The following CCDC192 variants were observed in gnomAD, a reference collection of about 807,000 sequenced individuals.
CCDC192 encodes coiled-coil domain-containing protein 192.
chr5:127,802,882 A>G (rs536315174), intron 5 of CCDC192, among the ~76,000 whole-genome samples: 1 of 152,324 alleles, frequency 6.6e-6, no homozygotes, highest in South Asian at 2.1e-4. Context: ...CTTTATGACA[A>G]AGAATTGTAT....
At chr5:127,735,326 T>A (rs1325330948) in intron 2 of CCDC192, among the ~76,000 whole-genome samples, 1 of 144,612 alleles carries the variant, frequency 6.9e-6, no homozygotes, top group African/African-American at 2.7e-5. Flanking sequence ...TTTTGGTTAC[T>A]GTAGCCTTGT....
chr5:127,740,530 G>A (rs1339936849), intron 2 of CCDC192, among the ~76,000 whole-genome samples: 1 of 152,156 alleles, frequency 6.6e-6, no homozygotes, highest in Non-Finnish European at 1.5e-5. Context: ...CAATTTCAAT[G>A]AAGGATTTCC....
At chr5:127,887,830 A>C (rs1752613629) in intron 6 of CCDC192, among the ~76,000 whole-genome samples, 1 of 151,418 alleles carries the variant, frequency 6.6e-6, no homozygotes, top group Admixed American at 6.6e-5. Flanking sequence ...CAGCCTCCCA[A>C]GTAGCTGGGA....
intron 5 of CCDC192, among the ~76,000 whole-genome samples, chr5:127,803,708 C>G (rs1258789003): frequency 6.6e-6 from 1 of 152,100 alleles, no homozygotes; most frequent in Non-Finnish European, 1.5e-5. Context: ...TCCCAACGGC[C>G]ATCCCATCTC....
chr5:127,878,388 A>AC (rs1257435991), intron 6 of CCDC192, among the ~76,000 whole-genome samples: 2 of 152,208 alleles, frequency 1.3e-5, no homozygotes, highest in Non-Finnish European at 2.9e-5. Context: ...AAATGTGGGG[A>AC]AGGAGAATGC....
At chr5:127,761,554 G>T (rs1754929341) in intron 3 of CCDC192, among the ~76,000 whole-genome samples, 2 of 152,122 alleles carry the variant, frequency 1.3e-5, no homozygotes, top group Admixed American at 6.6e-5. Context: ...TGGAGTGTGT[G>T]TATGTTGGAG....
At chr5:127,711,023 T>C (rs866828755) in intron 2 of CCDC192, among the ~76,000 whole-genome samples, 2 of 152,334 alleles carry the variant, frequency 1.3e-5, no homozygotes, top group Middle Eastern at 3.4e-3. Context: ...CTAGTGCATA[T>C]AAATTATCTC....
At chr5:127,920,642 C>T (rs1348475801) in intron 6 of CCDC192, among the ~76,000 whole-genome samples, 1 of 151,906 alleles carries the variant, frequency 6.6e-6, no homozygotes, top group Non-Finnish European at 1.5e-5. Context: ...AACTCTTGAC[C>T]TCAGGTGATC....
At position 127,736,019 on chromosome 5, in the gene CCDC192, G is replaced by A. The variant is rs1203282980; in HGVS notation, c.115-18249G>A. On this transcript the variant is annotated intron_variant, in intron 2 of 6. Transcript: ENST00000514853. ...CCTGTCTTGTCCCAGTTTTCAAAGGGAATGCTTCCAGTTTTTGCCCATTCA... is the reference window on the plus strand; with the variant it reads ...CCTGTCTTGTCCCAGTTTTCAAAGGAAATGCTTCCAGTTTTTGCCCATTCA... Among the ~76,000 whole-genome samples, 12 of 99,994 alleles carry A rather than the reference G, an allele frequency of 1.2e-4. 2 individuals carry two copies. The East Asian group carries it at 3.4e-3, about 28-fold the overall frequency. 65.6% of individuals were successfully genotyped at this position (99,994 alleles called of 152,430 possible).
At chr5:127,742,887 T>A (rs578000734) in intron 2 of CCDC192, among the ~76,000 whole-genome samples, 100 of 152,330 alleles carry the variant, frequency 6.6e-4, no homozygotes, top group African/African-American at 2.3e-3. Context: ...GCACAAATGT[T>A]ATCACAAACC....
intron 6 of CCDC192, among the ~76,000 whole-genome samples, chr5:127,916,745 A>T (rs903015891): frequency 2.6e-5 from 4 of 152,352 alleles, no homozygotes; most frequent in East Asian, 3.9e-4. Context: ...AAGCCATGCT[A>T]TAATCTGATG....
chr5:127,915,506 C>T (rs772697277), intron 6 of CCDC192, among the ~76,000 whole-genome samples: 24 of 152,288 alleles, frequency 1.6e-4, no homozygotes, highest in Non-Finnish European at 3.1e-4. Context: ...CTCAGCCTCC[C>T]GAGTAGCTGG....
At chr5:127,866,844 A>G (rs1751636002) in intron 5 of CCDC192, among the ~76,000 whole-genome samples, 1 of 152,202 alleles carries the variant, frequency 6.6e-6, no homozygotes. Context: ...ATTGTATTTT[A>G]TGGGAAAATA....
intron 2 of CCDC192, among the ~76,000 whole-genome samples, chr5:127,742,960 G>GT (rs1183147033): frequency 6.6e-6 from 1 of 151,956 alleles, no homozygotes; most frequent in African/African-American, 2.4e-5. Context: ...TTGGGCTGAG[G>GT]TTTTTTTGTT....
chr5:127,821,407 A>T (rs934863214), intron 5 of CCDC192, among the ~76,000 whole-genome samples: 1 of 152,214 alleles, frequency 6.6e-6, no homozygotes, highest in African/African-American at 2.4e-5. Flanking sequence ...CCTCTTTTTC[A>T]GGAAATCCAA....
chr5:127,763,255 A>C (rs1358308795), intron 3 of CCDC192, among the ~76,000 whole-genome samples: 3 of 152,046 alleles, frequency 2.0e-5, no homozygotes, highest in African/African-American at 7.2e-5. Flanking sequence ...CTTGCCCCAA[A>C]CCTGTTCCTT....
At chr5:127,914,002 G>T (rs763587481) in intron 6 of CCDC192, among the ~76,000 whole-genome samples, 1 of 152,128 alleles carries the variant, frequency 6.6e-6, no homozygotes, top group Admixed American at 6.5e-5. Context: ...AAAATGGAGA[G>T]GGGGGTAGAA....
At chr5:127,705,553 C>T (rs1348426036) in intron 1 of CCDC192, among the ~76,000 whole-genome samples, 1 of 152,040 alleles carries the variant, frequency 6.6e-6, no homozygotes, top group Non-Finnish European at 1.5e-5. Context: ...GAAATAATCA[C>T]ATATATCATG....
At chr5:127,854,867 T>G (rs1292651710) in intron 5 of CCDC192, among the ~76,000 whole-genome samples, 1 of 152,232 alleles carries the variant, frequency 6.6e-6, no homozygotes, top group Non-Finnish European at 1.5e-5. Flanking sequence ...TATTACACAC[T>G]TAATAAACTA....
Sources: allele counts gnomAD v4.1 joint callset (sites outside exome capture counted in the v4.1 genomes callset), GRCh38; gene constraint gnomAD v4.1.1; transcripts MANE v1.5; gene names NCBI Gene and HGNC (gene_info 2026-07-23, HGNC 2026-07-21).